The following THSD7B variants were observed in gnomAD, a reference collection of about 807,000 sequenced individuals.
The protein encoded by THSD7B is thrombospondin type 1 domain containing 7B.
In THSD7B, 138 loss-of-function variants were observed where a neutral mutation model predicts 213.6. The observed-to-expected ratio is 0.65, with a 90% CI of 0.56 to 0.74. The LOEUF is 0.74. Ranked by LOEUF, THSD7B falls within the 30% of genes least tolerant of loss-of-function variation. THSD7B has a pLI of 0.00. For synonymous variants in THSD7B, 742 were observed against 687.0 expected (o/e 1.08, Z -1.25); for missense variants, 1,931 against 1,991.5 (o/e 0.97, Z 0.58).
Position 137,519,954 on chromosome 2 carries a change from TC to T in THSD7B, c.3139-43265del, listed in dbSNP as rs541287228. ...AAAGTTTTCAGTACCTGTTACTATT[TC>T]CTTTCTGACGTGGAAAGAAAGCTAA... is the stretch of plus-strand genomic sequence containing the variant. On this transcript the variant is annotated intron_variant, in intron 15 of 27. Transcript: ENST00000409968. Among the ~76,000 whole-genome samples the T allele has an allele frequency of 5.3e-5, 8 of 152,370 alleles. No homozygotes were observed. The South Asian group carries it at 1.7e-3, about 32-fold the overall frequency.
chr2:136,940,339 A>G (rs1056854234), intron 2 of THSD7B, among the ~76,000 whole-genome samples: 14 of 152,122 alleles, frequency 9.2e-5, no homozygotes, highest in African/African-American at 3.4e-4. Flanking sequence ...AAAAGACATA[A>G]TTTCATTCTT....
intron 20 of THSD7B, among the ~76,000 whole-genome samples, chr2:137,641,456 C>T (rs1169013507): frequency 2.6e-5 from 4 of 152,220 alleles, no homozygotes; most frequent in Non-Finnish European, 5.9e-5. Flanking sequence ...TTTCTTTTAA[C>T]ATTTATCACA....
intron 12 of THSD7B, among the ~76,000 whole-genome samples, chr2:137,369,422 G>C (rs1188787136): frequency 6.6e-6 from 1 of 152,140 alleles, no homozygotes; most frequent in Admixed American, 6.6e-5. Flanking sequence ...CTACTGCTTT[G>C]AATTTGCACT....
At chr2:137,298,662 A>AG (rs1329143148) in intron 12 of THSD7B, among the ~76,000 whole-genome samples, 1 of 152,148 alleles carries the variant, frequency 6.6e-6, no homozygotes, top group African/African-American at 2.4e-5. Flanking sequence ...CCTGTGTCCC[A>AG]GCCACTCCAG....
At chr2:137,329,671 A>G (rs1421643126) in intron 12 of THSD7B, among the ~76,000 whole-genome samples, 1 of 152,208 alleles carries the variant, frequency 6.6e-6, no homozygotes, top group East Asian at 1.9e-4. Flanking sequence ...AGCCCAGCAG[A>G]AGAAATTTCT....
chr2:136,961,167 C>T (rs1161952093), intron 2 of THSD7B, among the ~76,000 whole-genome samples: 1 of 142,560 alleles, frequency 7.0e-6, no homozygotes, highest in Admixed American at 7.1e-5. Flanking sequence ...ATGAAGATTT[C>T]TGTTTCTGAT....
chr2:137,350,795 T>C (rs762921598), intron 12 of THSD7B, among the ~76,000 whole-genome samples: 1 of 151,570 alleles, frequency 6.6e-6, no homozygotes, highest in African/African-American at 2.4e-5. Context: ...TGAAGAGATG[T>C]TGGAAAAGTA....
intron 2 of THSD7B, among the ~76,000 whole-genome samples, chr2:136,945,577 T>G: frequency 6.6e-6 from 1 of 152,226 alleles, no homozygotes; most frequent in South Asian, 2.1e-4. Context: ...TCCAGCTTGT[T>G]TCTATTCTCC....
chr2:137,556,325 C>T (rs1680966024), intron 15 of THSD7B, among the ~76,000 whole-genome samples: 1 of 151,760 alleles, frequency 6.6e-6, no homozygotes, highest in African/African-American at 2.4e-5. Flanking sequence ...GGAAGCCCAT[C>T]AGACTAACAG....
rs56028240 is a variant in THSD7B, at chr2:136,940,726, T to A, written c.139+58409T>A. On this transcript the variant is annotated intron_variant, in intron 2 of 27. Transcript: ENST00000409968. ...GTGTGTGTGTGTATATATATATATA[T>A]AATATATATATATATATTTTTTCTT... is the stretch of plus-strand genomic sequence containing the variant. Among the ~76,000 whole-genome samples, 266 of 42,220 alleles carry A rather than the reference T, an allele frequency of 6.3e-3. 1 individual carries two copies. Among genetic ancestry groups the A allele is most frequent in the African/African-American group, 0.012 (193 of 15,602 alleles). 27.7% of individuals were successfully genotyped at this position (42,220 alleles called of 152,430 possible).
At chr2:137,069,223 C>T (rs1266779798) in intron 3 of THSD7B, among the ~76,000 whole-genome samples, 1 of 152,014 alleles carries the variant, frequency 6.6e-6, no homozygotes, top group Non-Finnish European at 1.5e-5. Flanking sequence ...ATCATTCTTT[C>T]TCATATATCA....
chr2:137,562,905 G>A (rs530314969), intron 15 of THSD7B, among the ~76,000 whole-genome samples: 3 of 152,086 alleles, frequency 2.0e-5, no homozygotes, highest in Non-Finnish European at 4.4e-5. Context: ...CCATCTAATA[G>A]ATGCTGTGTG....
At chr2:137,666,122 GA>G (rs1322803693) in intron 26 of THSD7B, among the ~76,000 whole-genome samples, 1 of 151,990 alleles carries the variant, frequency 6.6e-6, no homozygotes, top group Non-Finnish European at 1.5e-5. Flanking sequence ...TGTTCTTACA[GA>G]ATACATTAAT....
chr2:137,235,309 G>A (rs1225140038), intron 9 of THSD7B, among the ~76,000 whole-genome samples: 1 of 152,114 alleles, frequency 6.6e-6, no homozygotes, highest in Non-Finnish European at 1.5e-5. Flanking sequence ...ATAAAATGCA[G>A]CAAACTATTA....
At chr2:137,085,048 A>G (rs1233427287) in intron 3 of THSD7B, among the ~76,000 whole-genome samples, 2 of 152,220 alleles carry the variant, frequency 1.3e-5, no homozygotes, top group Non-Finnish European at 2.9e-5. Flanking sequence ...GAACCCTGAC[A>G]GTGCTCCCTT....
At chr2:137,133,419 C>A (rs1688777170) in intron 5 of THSD7B, among the ~76,000 whole-genome samples, 1 of 152,090 alleles carries the variant, frequency 6.6e-6, no homozygotes, top group Non-Finnish European at 1.5e-5. Context: ...GCCATGCAGA[C>A]AATGTAGGAG....
At chr2:137,033,570 C>G (rs1260430359) in intron 2 of THSD7B, among the ~76,000 whole-genome samples, 1 of 151,908 alleles carries the variant, frequency 6.6e-6, no homozygotes, top group Non-Finnish European at 1.5e-5. Flanking sequence ...GGAGGGTTGA[C>G]TACTTGGAGT....
chr2:136,864,162 C>T (rs1402448181), intron 1 of THSD7B, among the ~76,000 whole-genome samples: 2 of 152,184 alleles, frequency 1.3e-5, no homozygotes, highest in Admixed American at 6.5e-5. Flanking sequence ...CCAAAATCCA[C>T]ACAGTTCAGT....
chr2:137,222,597 C>A (rs1401803866), intron 7 of THSD7B, among the ~76,000 whole-genome samples: 1 of 152,126 alleles, frequency 6.6e-6, no homozygotes, highest in Non-Finnish European at 1.5e-5. Flanking sequence ...GGGCAAGAAA[C>A]CCTCCCCCTG....
Sources: gnomAD v4.1 joint callset for allele counts (sites outside exome capture counted in the v4.1 genomes callset) on GRCh38, gnomAD v4.1.1 for gene constraint, MANE v1.5 for transcripts, NCBI Gene and HGNC (gene_info 2026-07-23, HGNC 2026-07-21) for gene names.